ARHGEF3: variants seen among roughly 807,000 people sequenced by gnomAD.
The protein encoded by ARHGEF3 is Rho guanine nucleotide exchange factor 3, also known as 59.8 kDA protein.
Under a neutral mutation model 63.2 loss-of-function variants are expected in ARHGEF3, and 28 were observed. The ratio of observed to expected loss-of-function variants is 0.44; its 90% CI spans 0.33 to 0.61. The LOEUF (loss-of-function observed/expected upper bound fraction) is 0.61. Among genes scored for constraint, ARHGEF3 ranks in the 20% least tolerant of loss-of-function variants. The pLI, the probability that ARHGEF3 is intolerant of heterozygous loss-of-function variation, is 0.03. For synonymous variants in ARHGEF3, 266 were observed against 254.2 expected, an observed-to-expected ratio of 1.05 and a Z score of -0.44; for missense variants, 533 against 659.3, an observed-to-expected ratio of 0.81 and a Z score of 2.10.
chr3:56,744,525 A>C (rs1173109732), intron 7 of ARHGEF3, among the ~76,000 whole-genome samples: 3 of 151,048 alleles, frequency 2.0e-5, no homozygotes, highest in African/African-American at 7.3e-5. Flanking sequence ...CACCTTCCTG[A>C]GTAGCTGGGA....
intron 2 of ARHGEF3, among the ~76,000 whole-genome samples, chr3:56,758,651 T>C (rs1183910317): frequency 6.6e-6 from 1 of 152,114 alleles, no homozygotes. Context: ...GTCAAGAAAG[T>C]ACTTGCACCA....
At chr3:56,813,802 C>T (rs959439464) in intron 4 of ARHGEF3, among the ~76,000 whole-genome samples, 6 of 152,148 alleles carry the variant, frequency 3.9e-5, no homozygotes, top group African/African-American at 9.7e-5. Flanking sequence ...GGTGCCATCA[C>T]GTTTCCTGAG....
intron 3 of ARHGEF3, chr3:56,882,364 A>G: frequency 6.4e-7 from 1 of 1,551,714 alleles, no homozygotes. Flanking sequence ...GCTGCAAAAC[A>G]AACGAAAAAA....
At chr3:56,846,373 G>A (rs1479546535) in intron 4 of ARHGEF3, among the ~76,000 whole-genome samples, 1 of 152,184 alleles carries the variant, frequency 6.6e-6, no homozygotes, top group East Asian at 1.9e-4. Flanking sequence ...GAGAGGTGTA[G>A]ATCCTGAAAG....
intron 1 of ARHGEF3, among the ~76,000 whole-genome samples, chr3:56,797,139 A>T (rs974983451): frequency 6.6e-6 from 1 of 152,120 alleles, no homozygotes; most frequent in Admixed American, 6.5e-5. Context: ...TCTCCATTTT[A>T]CCATTGAGGA....
chr3:57,053,477 T>A (rs1013115159), intron 1 of ARHGEF3, among the ~76,000 whole-genome samples: 5 of 152,238 alleles, frequency 3.3e-5, no homozygotes, highest in African/African-American at 9.6e-5. Flanking sequence ...TTTCTATGTG[T>A]TCTTTGTTTC....
intron 2 of ARHGEF3, among the ~76,000 whole-genome samples, chr3:56,990,545 C>T (rs960547512): frequency 1.3e-5 from 2 of 152,172 alleles, no homozygotes; most frequent in Non-Finnish European, 2.9e-5. Context: ...GAGATCATGC[C>T]ACTACCTGAG....
intron 1 of ARHGEF3, among the ~76,000 whole-genome samples, chr3:56,789,189 A>C (rs1409110549): frequency 1.3e-5 from 2 of 152,208 alleles, no homozygotes; most frequent in East Asian, 3.9e-4. Flanking sequence ...ATGAGACACA[A>C]GTCCAAGATC....
At chr3:56,908,165 C>T (rs1209775925) in intron 3 of ARHGEF3, among the ~76,000 whole-genome samples, 1 of 152,216 alleles carries the variant, frequency 6.6e-6, no homozygotes, top group Non-Finnish European at 1.5e-5. Context: ...AACCAGTACA[C>T]TTCCCACCTG....
intron 4 of ARHGEF3, among the ~76,000 whole-genome samples, chr3:56,821,857 G>A (rs997348141): frequency 2.0e-5 from 3 of 151,908 alleles, no homozygotes; most frequent in Admixed American, 6.6e-5. Flanking sequence ...CTAGGTACTC[G>A]GGAGGCTGAG....
chr3:56,730,104 G>A (rs1649497352), intron 9 of ARHGEF3, among the ~76,000 whole-genome samples: 1 of 152,120 alleles, frequency 6.6e-6, no homozygotes, highest in African/African-American at 2.4e-5. Flanking sequence ...CTTTTTTAGA[G>A]ATTCTGATTC....
At chr3:56,936,756 A>G (rs1698925335) in intron 3 of ARHGEF3, among the ~76,000 whole-genome samples, 2 of 152,140 alleles carry the variant, frequency 1.3e-5, no homozygotes, top group African/African-American at 2.4e-5. Context: ...GTCTCACTCC[A>G]TTGCCCAGGC....
chr3:56,836,503 A>G (rs1336247499), intron 4 of ARHGEF3, among the ~76,000 whole-genome samples: 1 of 152,162 alleles, frequency 6.6e-6, no homozygotes, highest in Non-Finnish European at 1.5e-5. Context: ...AGTCCCTACA[A>G]TCATGTTTGG....
intron 2 of ARHGEF3, among the ~76,000 whole-genome samples, chr3:56,997,473 C>T (rs556881829): frequency 6.6e-6 from 1 of 152,242 alleles, no homozygotes; most frequent in Non-Finnish European, 1.5e-5. Context: ...GAAAGAGATG[C>T]CAAAAGCAAA....
intron 1 of ARHGEF3, 132 bp from the exon 2 acceptor site, chr3:56,773,948 G>T: frequency 1.4e-6 from 1 of 711,028 alleles, no homozygotes; most frequent in Non-Finnish European, 2.2e-6. Context: ...AAAGTGTCAC[G>T]TCTCACTCTG....
In ARHGEF3 at chr3:57,000,870, G is replaced by A. The variant is rs939601014; in HGVS notation, c.62+34218C>T. Among the ~76,000 whole-genome samples the A allele has an allele frequency of 2.6e-5, 4 of 152,034 alleles. No individual in the cohort carries two copies. In the South Asian group the frequency reaches 6.2e-4, roughly 24 times the overall value. On this transcript the variant is annotated intron_variant, in intron 2 of 12. Transcript: ENST00000338458. ...TTATTTAACTGTAAGTAACAGAAGT[G>A]TTTCTACATGTAAACTTTATGTAAA...
chr3:56,925,807 A>G (rs2042260420), intron 3 of ARHGEF3, among the ~76,000 whole-genome samples: 1 of 152,224 alleles, frequency 6.6e-6, no homozygotes, highest in African/African-American at 2.4e-5. Context: ...CACTGGCCAC[A>G]GTGCAGGCAC....
intron 4 of ARHGEF3, among the ~76,000 whole-genome samples, chr3:56,849,969 T>G (rs1369446096): frequency 6.6e-6 from 1 of 152,210 alleles, no homozygotes; most frequent in Non-Finnish European, 1.5e-5. Flanking sequence ...TCTTATCAAT[T>G]TTTGTTCAAG....
chr3:56,733,009 T>C (rs998530880), intron 8 of ARHGEF3, among the ~76,000 whole-genome samples: 3 of 151,918 alleles, frequency 2.0e-5, no homozygotes, highest in African/African-American at 4.8e-5. Flanking sequence ...CTAGGCCGGA[T>C]GCAGTGACTC....
Sources: allele counts gnomAD v4.1 joint callset (sites outside exome capture counted in the v4.1 genomes callset), GRCh38; gene constraint gnomAD v4.1.1; transcripts MANE v1.5; gene names NCBI Gene and HGNC (gene_info 2026-07-23, HGNC 2026-07-21).